The following MTHFD1L variants were observed in gnomAD, a reference collection of about 807,000 sequenced individuals.
The protein encoded by MTHFD1L is methylenetetrahydrofolate dehydrogenase (NADP+ dependent) 1 like.
Under a neutral mutation model 119.5 loss-of-function variants are expected in MTHFD1L, and 81 were observed. The ratio of observed to expected loss-of-function variants is 0.68; its 90% CI spans 0.57 to 0.82. The LOEUF is 0.82. Ranked by LOEUF, MTHFD1L falls within the 40% of genes least tolerant of loss-of-function variation. The pLI, the probability that MTHFD1L is intolerant of heterozygous loss-of-function variation, is 0.00. For missense variants in MTHFD1L, 1,125 were observed against 1,253.4 expected, an observed-to-expected ratio of 0.90 and a Z score of 1.55; for synonymous variants, 430 against 475.2, an observed-to-expected ratio of 0.90 and a Z score of 1.24.
At chr6:151,042,888 T>C (rs1460461536) in intron 26 of MTHFD1L, among the ~76,000 whole-genome samples, 3 of 152,056 alleles carry the variant, frequency 2.0e-5, no homozygotes, top group Non-Finnish European at 4.4e-5. Context: ...ATACAGTAAA[T>C]AGGGCGATGA....
intron 24 of MTHFD1L, among the ~76,000 whole-genome samples, chr6:151,029,794 T>TA (rs1455600585): frequency 1.3e-5 from 2 of 152,168 alleles, no homozygotes; most frequent in Non-Finnish European, 2.9e-5. Context: ...AGTCTCTGTA[T>TA]AAAAAAAATT....
At chr6:150,868,867 C>T (rs1035682271) in intron 1 of MTHFD1L, among the ~76,000 whole-genome samples, 5 of 152,058 alleles carry the variant, frequency 3.3e-5, no homozygotes, top group African/African-American at 1.2e-4. Flanking sequence ...TCAAGACCAG[C>T]CTGGGCAACA....
chr6:150,986,259 G>A (rs1778288882), intron 20 of MTHFD1L, among the ~76,000 whole-genome samples: 1 of 152,110 alleles, frequency 6.6e-6, no homozygotes, highest in Non-Finnish European at 1.5e-5. Flanking sequence ...AAATATGTTT[G>A]CTTTACAACC....
chr6:151,080,906 T>C (rs377393198), intron 26 of MTHFD1L, among the ~76,000 whole-genome samples: 1 of 152,170 alleles, frequency 6.6e-6, no homozygotes, highest in Non-Finnish European at 1.5e-5. Flanking sequence ...TTTGGGTTGT[T>C]TTTTGTGTTT....
At chr6:151,028,380 T>A (rs1188951413) in intron 24 of MTHFD1L, among the ~76,000 whole-genome samples, 1 of 152,104 alleles carries the variant, frequency 6.6e-6, no homozygotes. Flanking sequence ...TGCAGCCCTG[T>A]TGATAGCAGC....
chr6:150,904,179 T>C (rs982842694), intron 7 of MTHFD1L, among the ~76,000 whole-genome samples: 2 of 152,222 alleles, frequency 1.3e-5, no homozygotes, highest in Admixed American at 1.3e-4. Context: ...GGATCTTTAA[T>C]GATCAGCCTG....
At chr6:150,880,539 T>C (rs1345586488) in intron 4 of MTHFD1L, among the ~76,000 whole-genome samples, 2 of 152,264 alleles carry the variant, frequency 1.3e-5, no homozygotes. Context: ...TCTTGGCTAC[T>C]GTGAATAGTG....
intron 26 of MTHFD1L, among the ~76,000 whole-genome samples, chr6:151,045,443 C>T (rs1235975851): frequency 6.6e-6 from 1 of 152,228 alleles, no homozygotes; most frequent in Non-Finnish European, 1.5e-5. Context: ...CACTCCCACA[C>T]CCACAAATAA....
intron 26 of MTHFD1L, among the ~76,000 whole-genome samples, chr6:151,063,033 T>TAA (rs112963232): frequency 1.4e-5 from 2 of 143,266 alleles, no homozygotes; most frequent in African/African-American, 5.5e-5. Context: ...TAAAGTACAA[T>TAA]AAAAAAAAAA....
At chr6:151,069,005 A>T (rs943292780) in intron 26 of MTHFD1L, among the ~76,000 whole-genome samples, 1 of 152,182 alleles carries the variant, frequency 6.6e-6, no homozygotes, top group Admixed American at 6.6e-5. Flanking sequence ...TTTTGGAAAG[A>T]GCTAAAACTA....
intron 20 of MTHFD1L, among the ~76,000 whole-genome samples, chr6:151,007,959 C>A (rs1781633328): frequency 6.6e-6 from 1 of 152,050 alleles, no homozygotes; most frequent in African/African-American, 2.4e-5. Context: ...TATATTTATC[C>A]AAATTGAACA....
intron 24 of MTHFD1L, among the ~76,000 whole-genome samples, chr6:151,017,078 C>T (rs1783195744): frequency 6.6e-6 from 1 of 151,806 alleles, no homozygotes; most frequent in African/African-American, 2.4e-5. Flanking sequence ...CCTGGCCCAT[C>T]TTAACCATTT....
rs1165895739 is a variant in MTHFD1L at position 151,009,951 on chromosome 6, G to T, written c.2258G>T (p.Gly753Val). 1 of 1,603,122 alleles carries T rather than the reference G, an allele frequency of 6.2e-7. No individual in the cohort carries two copies. ...TVRALKMHGG[G>V]PSVTAGVPLK... ...CGAGCTCTGAAGATGCATGGAGGCG[G>T]GCCAAGTGTAAGTGCCCACACCGCC... The change falls in exon 21 of 28, where the codon GGG (glycine) becomes GTG (valine). Residue 753 changes from glycine (G) to valine (V), a missense_variant. Around this residue, in one of 3 missense-constraint regions of MTHFD1L, gnomAD observed 1,058 missense variants for 1,151.2 expected, o/e 0.92. Transcript: ENST00000367321.
chr6:150,935,346 T>C (rs997366274), intron 11 of MTHFD1L: 1 of 1,613,006 alleles, frequency 6.2e-7, no homozygotes, highest in African/African-American at 1.3e-5. Flanking sequence ...AATCAAGGAG[T>C]CCCTGTACTT....
chr6:150,903,034 A>G (rs1447691376), intron 7 of MTHFD1L, among the ~76,000 whole-genome samples: 1 of 152,084 alleles, frequency 6.6e-6, no homozygotes, highest in Non-Finnish European at 1.5e-5. Context: ...ACAGTACTAT[A>G]TATAAATGAA....
intron 21 of MTHFD1L, among the ~76,000 whole-genome samples, chr6:151,011,791 G>A (rs1462287011): frequency 3.3e-5 from 5 of 151,928 alleles, no homozygotes; most frequent in Admixed American, 3.3e-4. Context: ...AGCCAGGCGT[G>A]GTGGCTCATG....
intron 25 of MTHFD1L, among the ~76,000 whole-genome samples, chr6:151,035,381 G>A (rs530350041): frequency 1.3e-5 from 2 of 152,224 alleles, no homozygotes; most frequent in East Asian, 3.9e-4. Flanking sequence ...GGGTAGCGTT[G>A]ACCTTTTCTT....
intron 26 of MTHFD1L, among the ~76,000 whole-genome samples, chr6:151,040,434 C>T (rs1322798399): frequency 2.0e-5 from 3 of 152,202 alleles, no homozygotes; most frequent in Non-Finnish European, 2.9e-5. Context: ...AACCAGGGCC[C>T]GCACAGTGGC....
rs1790055460 is a variant in MTHFD1L, at chr6:150,926,715, A to C, written c.1256+420A>C. Among the ~76,000 whole-genome samples the C allele has an allele frequency of 6.6e-6, 1 of 152,192 alleles. No individual in the cohort carries two copies. The highest frequency in any genetic ancestry group is 2.4e-5 in the African/African-American group (1 of 41,448). On this transcript the variant is annotated intron_variant, in intron 11 of 27. Transcript: ENST00000367321. The surrounding 1 kb of genome is among the most constrained non-coding windows in gnomAD (Gnocchi z 4.3). Reference sequence around the variant, plus strand: ...TCATATGAAACATGTTTTCCTGTTAATATCCTTGATCTTACCTACATATTC... The same window carrying C: ...TCATATGAAACATGTTTTCCTGTTACTATCCTTGATCTTACCTACATATTC...
Sources: allele counts gnomAD v4.1 joint callset (sites outside exome capture counted in the v4.1 genomes callset), GRCh38; gene constraint gnomAD v4.1.1; regional missense constraint gnomAD v4.1.1; non-coding constraint Gnocchi (gnomAD v3.1); transcripts MANE v1.5; gene names NCBI Gene and HGNC (gene_info 2026-07-23, HGNC 2026-07-21).